The following STX18 variants were observed in gnomAD, a reference collection of about 807,000 sequenced individuals.
STX18 encodes syntaxin 18.
STX18 carries 40 observed loss-of-function variants against 50.1 expected under a neutral mutation model. The ratio of observed to expected loss-of-function variants is 0.80; its 90% confidence interval spans 0.62 to 1.04. The LOEUF (loss-of-function observed/expected upper bound fraction) is 1.04, where lower values mean the gene tolerates loss of function less well. Among genes scored for constraint, STX18 ranks in the 50% least tolerant of loss-of-function variants. The pLI, the probability that STX18 is intolerant of heterozygous loss-of-function variation, is 0.00. For synonymous variants in STX18, 158 were observed against 151.8 expected, an observed-to-expected ratio of 1.04 and a Z score of -0.30; for missense variants, 410 against 415.8, an observed-to-expected ratio of 0.99 and a Z score of 0.12.
At chr4:4,454,009 C>G (rs756680049) in intron 5 of STX18, among the ~76,000 whole-genome samples, 9 of 152,244 alleles carry the variant, frequency 5.9e-5, no homozygotes, top group Non-Finnish European at 1.2e-4. Context: ...ATAAATGACA[C>G]TGCCATTTAA....
At chr4:4,465,853 C>T (rs931610700) in intron 2 of STX18, among the ~76,000 whole-genome samples, 2 of 152,216 alleles carry the variant, frequency 1.3e-5, no homozygotes, top group Non-Finnish European at 2.9e-5. Flanking sequence ...AATACCTTAG[C>T]AGCTCCATGA....
chr4:4,488,549 A>G (rs946853945), intron 1 of STX18, among the ~76,000 whole-genome samples: 1 of 152,176 alleles, frequency 6.6e-6, no homozygotes, highest in African/African-American at 2.4e-5. Context: ...AATCTCCTAC[A>G]CAGCCCATCA....
At chr4:4,477,889 A>C (rs1577358202) in intron 1 of STX18, 1 of 152,198 alleles carries the variant, frequency 6.6e-6, no homozygotes, top group Admixed American at 6.5e-5. Context: ...CTTACAGAGC[A>C]CCCGCCACGT....
chr4:4,425,362 G>T, intron 7 of STX18, 140 bp from the exon 8 acceptor site: 1 of 729,824 alleles, frequency 1.4e-6, no homozygotes, highest in South Asian at 1.6e-5. Flanking sequence ...GGTGCTGGAC[G>T]ACCGTTAGCA....
intron 1 of STX18, among the ~76,000 whole-genome samples, chr4:4,511,203 T>G (rs1056424250): frequency 2.0e-5 from 3 of 152,078 alleles, no homozygotes; most frequent in African/African-American, 7.2e-5. Context: ...ATCCATGCCA[T>G]GGCTTGAATG....
intron 1 of STX18, among the ~76,000 whole-genome samples, chr4:4,528,657 G>A (rs1269584820): frequency 6.6e-6 from 1 of 152,232 alleles, no homozygotes; most frequent in Non-Finnish European, 1.5e-5. Context: ...TGGCTAAACT[G>A]CATCTTTCGG....
At chr4:4,421,413 G>A (rs1258159499) in intron 9 of STX18, among the ~76,000 whole-genome samples, 2 of 152,060 alleles carry the variant, frequency 1.3e-5, no homozygotes, top group African/African-American at 2.4e-5. Context: ...ACCACGCCTG[G>A]CTAAATTTTT....
chr4:4,457,097 G>T (rs1327662616), intron 5 of STX18, 94 bp downstream of exon 5: 2 of 1,207,114 alleles, frequency 1.7e-6, no homozygotes, highest in East Asian at 2.5e-5. Context: ...TTCAAACACG[G>T]TACATTGCAT....
At chr4:4,431,561 A>G (rs1365178490) in intron 7 of STX18, among the ~76,000 whole-genome samples, 1 of 152,014 alleles carries the variant, frequency 6.6e-6, no homozygotes, top group Non-Finnish European at 1.5e-5. Context: ...ACGCAAGCCC[A>G]TCCTTCAAAC....
intron 2 of STX18, among the ~76,000 whole-genome samples, chr4:4,462,957 G>C (rs1727456691): frequency 6.6e-6 from 1 of 152,192 alleles, no homozygotes; most frequent in African/African-American, 2.4e-5. Flanking sequence ...CAGTGTGCAG[G>C]AGCCTCCTTT....
intron 5 of STX18, among the ~76,000 whole-genome samples, chr4:4,450,366 G>A (rs1726680718): frequency 6.6e-6 from 1 of 152,126 alleles, no homozygotes; most frequent in Admixed American, 6.5e-5. Flanking sequence ...CTGTTGCTCA[G>A]GCTGGAGTGC....
chr4:4,496,396 T>G (rs1314874843), intron 1 of STX18, among the ~76,000 whole-genome samples: 2 of 152,156 alleles, frequency 1.3e-5, no homozygotes, highest in Admixed American at 1.3e-4. Flanking sequence ...GCTGAACCAC[T>G]GCAGCCAACC....
intron 7 of STX18, among the ~76,000 whole-genome samples, chr4:4,427,222 C>T (rs1398291823): frequency 3.3e-5 from 5 of 152,182 alleles, no homozygotes; most frequent in South Asian, 4.1e-4. Flanking sequence ...CCAGACCCAC[C>T]GGGCCAGAAA....
chr4:4,523,433 T>G (rs1411091879), intron 1 of STX18, among the ~76,000 whole-genome samples: 1 of 152,202 alleles, frequency 6.6e-6, no homozygotes, highest in East Asian at 1.9e-4. Flanking sequence ...TAGAAATCTT[T>G]CCTCCAGTAC....
intron 5 of STX18, among the ~76,000 whole-genome samples, chr4:4,439,405 A>G (rs111203581): frequency 2.7e-4 from 33 of 120,792 alleles, no homozygotes; most frequent in Non-Finnish European, 4.7e-4. Flanking sequence ...CACACACCAT[A>G]TATGTGCAGA....
intron 5 of STX18, chr4:4,453,626 A>G (rs1726881687): frequency 2.1e-6 from 2 of 966,688 alleles, no homozygotes; most frequent in South Asian, 4.8e-5. Context: ...CACACCTGTG[A>G]TATCTCCGAG....
At chr4:4,445,372 C>A (rs80213235) in intron 5 of STX18, among the ~76,000 whole-genome samples, 3,147 of 152,016 alleles carry the variant, frequency 0.021, 108 homozygotes, top group African/African-American at 0.072. Flanking sequence ...AGCGACTGCA[C>A]TCTAGCCTGG....
At chr4:4,468,853 A>G (rs1201330309) in intron 2 of STX18, among the ~76,000 whole-genome samples, 1 of 152,208 alleles carries the variant, frequency 6.6e-6, no homozygotes, top group Non-Finnish European at 1.5e-5. Flanking sequence ...TTTATTCCTA[A>G]TAGTCTCAAA....
At chr4:4,480,679 T>C (rs1728417325) in intron 1 of STX18, among the ~76,000 whole-genome samples, 1 of 152,152 alleles carries the variant, frequency 6.6e-6, no homozygotes, top group Non-Finnish European at 1.5e-5. Context: ...TGATTTTCTA[T>C]CCCCTTCAAG....
Sources: allele counts gnomAD v4.1 joint callset (sites outside exome capture counted in the v4.1 genomes callset), GRCh38; gene constraint gnomAD v4.1.1; transcripts MANE v1.5; gene names NCBI Gene and HGNC (gene_info 2026-07-23, HGNC 2026-07-21).